BICRAL: variants seen among roughly 807,000 people sequenced by gnomAD.
BICRAL encodes the protein BRD4-interacting chromatin-remodeling complex-associated protein-like.
In BICRAL, 8 loss-of-function variants were observed where a neutral mutation model predicts 91.8. The observed-to-expected ratio is 0.09, with a 90% CI of 0.05 to 0.16. The LOEUF is 0.16. BICRAL is among the 10% of genes least tolerant of loss of function. The probability of loss-of-function intolerance (pLI) is 1.00; values close to 1 mark genes in which losing one functional copy is unlikely to be tolerated. For missense variants in BICRAL, 1,038 were observed against 1,310.9 expected, an observed-to-expected ratio of 0.79 and a Z score of 3.21; for synonymous variants, 445 against 491.1, an observed-to-expected ratio of 0.91 and a Z score of 1.24.
intron 11 of BICRAL, among the ~76,000 whole-genome samples, 187 bp downstream of exon 11, chr6:42,860,543 T>C (rs1289792583): frequency 6.6e-6 from 1 of 152,238 alleles, no homozygotes; most frequent in Non-Finnish European, 1.5e-5. Context: ...CTTTACTTGG[T>C]GGGTCAGTAC....
In BICRAL at chr6:42,863,209, T is replaced by C. The variant is rs1238161418; in HGVS notation, c.2452+597T>C. 2.0e-5 allele frequency among the ~76,000 whole-genome samples: 3 copies of C among 151,946 alleles called. No individual in the cohort carries two copies. The East Asian group carries it at 5.8e-4, about 29-fold the overall frequency. ...GACTACAGGCGCCTGCAACCACACCTGGTTAATTTTTTGTATTTTTAGTAG... is the reference window on the plus strand; with the variant it reads ...GACTACAGGCGCCTGCAACCACACCCGGTTAATTTTTTGTATTTTTAGTAG... On this transcript the variant is annotated intron_variant, in intron 12 of 12. Coordinates refer to ENST00000314073, the MANE Select transcript of BICRAL (RefSeq NM_001393499.1).
At chr6:42,758,164 T>A (rs1353012118) in intron 1 of BICRAL, among the ~76,000 whole-genome samples, 2 of 152,180 alleles carry the variant, frequency 1.3e-5, no homozygotes, top group Non-Finnish European at 2.9e-5. Flanking sequence ...CTTCCTCATC[T>A]TCTTCTCCCT....
intron 1 of BICRAL, among the ~76,000 whole-genome samples, chr6:42,770,412 ATT>A (rs531644287): frequency 8.8e-4 from 111 of 126,218 alleles, no homozygotes; most frequent in African/African-American, 2.7e-3. Context: ...TATTATTATT[ATT>A]TTTTTTTTTT....
In BICRAL at chr6:42,829,493, T is replaced by C; in HGVS notation, c.1160T>C (p.Ile387Thr). ...AGCAGCACTGGGGGCAGTATTGTTA[T>C]TCATTCCCCCATGGGCCAACCTCAC... is the stretch of plus-strand genomic sequence containing the variant. Reference protein sequence around the residue: ...AVSSTGGSIVIHSPMGQPHAP... With the variant: ...AVSSTGGSIVTHSPMGQPHAP... The change falls in exon 6 of 13, where the codon ATT becomes ACT. Residue 387 changes from isoleucine to threonine, a missense_variant. Ile to Thr is a moderately conservative substitution (Grantham distance 89). Around this residue, in one of 5 missense-constraint regions of BICRAL, gnomAD observed 532 missense variants for 724.9 expected, o/e 0.73. Coordinates refer to ENST00000314073, the MANE Select transcript of BICRAL (RefSeq NM_001393499.1). 6.2e-7 allele frequency: 1 copy of C among 1,614,108 alleles called. No individual in the cohort carries two copies. Among genetic ancestry groups the C allele is most frequent in the African/African-American group, 1.3e-5 (1 of 75,048 alleles).
chr6:42,771,105 T>C (rs1334728649), intron 1 of BICRAL, among the ~76,000 whole-genome samples: 1 of 152,208 alleles, frequency 6.6e-6, no homozygotes, highest in Non-Finnish European at 1.5e-5. Context: ...AAGCCTGCAG[T>C]AGATTTTCAT....
intron 1 of BICRAL, among the ~76,000 whole-genome samples, chr6:42,795,855 TA>T (rs1189661773): frequency 6.6e-6 from 1 of 152,256 alleles, no homozygotes; most frequent in African/African-American, 2.4e-5. Flanking sequence ...ACTGCAGTGA[TA>T]TTTCATCATC....
intron 6 of BICRAL, among the ~76,000 whole-genome samples, chr6:42,840,973 G>C (rs1282263452): frequency 6.7e-6 from 1 of 149,860 alleles, no homozygotes; most frequent in Non-Finnish European, 1.5e-5. Context: ...CTACTCAGGA[G>C]GCTGAGGCAC....
intron 1 of BICRAL, among the ~76,000 whole-genome samples, chr6:42,762,871 G>C (rs1426939166): frequency 6.6e-6 from 1 of 151,502 alleles, no homozygotes; most frequent in Non-Finnish European, 1.5e-5. Context: ...AGGCTGCTGT[G>C]AGCCGTGATC....
intron 1 of BICRAL, among the ~76,000 whole-genome samples, chr6:42,792,475 G>A (rs1763302369): frequency 6.7e-6 from 1 of 148,834 alleles, no homozygotes; most frequent in African/African-American, 2.5e-5. Flanking sequence ...TTCTTGCTAT[G>A]TTGCCCAAGC....
At chr6:42,816,135 A>T (rs955482876) in intron 2 of BICRAL, among the ~76,000 whole-genome samples, 10 of 151,776 alleles carry the variant, frequency 6.6e-5, no homozygotes, top group African/African-American at 2.4e-4. Context: ...AAGGTGGAGG[A>T]TCACTTAAGT....
chr6:42,808,998 G>A (rs1051639813), intron 1 of BICRAL, among the ~76,000 whole-genome samples: 1 of 151,842 alleles, frequency 6.6e-6, no homozygotes, highest in African/African-American at 2.4e-5. Context: ...TTTCCCCCAT[G>A]TTATAGCACA....
intron 10 of BICRAL, among the ~76,000 whole-genome samples, chr6:42,858,930 G>A (rs980313312): frequency 6.6e-6 from 1 of 152,044 alleles, no homozygotes; most frequent in Non-Finnish European, 1.5e-5. Context: ...CACCGCTAAG[G>A]CCTGGCTGTA....
intron 1 of BICRAL, among the ~76,000 whole-genome samples, chr6:42,775,931 C>T (rs535406147): frequency 4.8e-4 from 73 of 152,280 alleles, no homozygotes; most frequent in African/African-American, 1.6e-3. Context: ...AATAATTCCA[C>T]GGTACTTTTA....
At chr6:42,765,444 G>A (rs776014060) in intron 1 of BICRAL, among the ~76,000 whole-genome samples, 8 of 152,164 alleles carry the variant, frequency 5.3e-5, no homozygotes, top group Non-Finnish European at 1.2e-4. Context: ...AGGCTTGTGG[G>A]GAGGGAGACA....
chr6:42,819,499 T>A (rs1016103864), intron 2 of BICRAL, among the ~76,000 whole-genome samples: 4 of 152,010 alleles, frequency 2.6e-5, no homozygotes, highest in Non-Finnish European at 4.4e-5. Flanking sequence ...TTGGCCAGGC[T>A]GATCTCGAAC....
intron 1 of BICRAL, among the ~76,000 whole-genome samples, chr6:42,752,492 G>C (rs1456028193): frequency 6.6e-6 from 1 of 152,160 alleles, no homozygotes; most frequent in Non-Finnish European, 1.5e-5. Context: ...TCTCACCCAA[G>C]CTGGAGTGCA....
At chr6:42,794,261 T>A (rs1322082745) in intron 1 of BICRAL, among the ~76,000 whole-genome samples, 2 of 152,128 alleles carry the variant, frequency 1.3e-5, no homozygotes, top group Non-Finnish European at 2.9e-5. Context: ...TAAAGCAATC[T>A]GACAGTTAAT....
intron 7 of BICRAL, among the ~76,000 whole-genome samples, chr6:42,853,379 A>G (rs560798031): frequency 1.3e-5 from 2 of 152,314 alleles, no homozygotes; most frequent in South Asian, 2.1e-4. Flanking sequence ...CAGACTATAA[A>G]TAATTTGAAA....
intron 6 of BICRAL, among the ~76,000 whole-genome samples, chr6:42,844,297 C>T (rs1764912967): frequency 6.7e-6 from 1 of 149,978 alleles, no homozygotes; most frequent in African/African-American, 2.4e-5. Flanking sequence ...ATCACGAGGT[C>T]AGGAGATGAA....
Sources: allele counts gnomAD v4.1 joint callset (sites outside exome capture counted in the v4.1 genomes callset), GRCh38; gene constraint gnomAD v4.1.1; regional missense constraint gnomAD v4.1.1; transcripts MANE v1.5; gene names NCBI Gene and HGNC (gene_info 2026-07-23, HGNC 2026-07-21).